GLRA2: variants seen among roughly 807,000 people sequenced by gnomAD.
GLRA2 encodes glycine receptor subunit alpha-2.
In GLRA2, 11 loss-of-function variants were observed where a neutral mutation model predicts 31.6. The observed-to-expected ratio is 0.35, with a 90% CI of 0.22 to 0.58. The LOEUF is 0.58. Ranked by LOEUF, GLRA2 falls within the 20% of genes least tolerant of loss-of-function variation. The probability of loss-of-function intolerance (pLI) is 0.84; values close to 1 mark genes in which losing one functional copy is unlikely to be tolerated. For synonymous variants in GLRA2, 132 were observed against 134.0 expected (o/e 0.99, Z 0.10); for missense variants, 212 against 351.8 (o/e 0.60, Z 3.18).
chrX:14,522,567 C>T, the GLRA2 span, among the ~76,000 whole-genome samples: 3 of 112,315 alleles, frequency 2.7e-5, no homozygotes, highest in Non-Finnish European at 5.6e-5. Context: ...AGAGGAATCA[C>T]TGTCTATGGC....
At chrX:14,689,691 C>A (rs893822726) in intron 7 of GLRA2, among the ~76,000 whole-genome samples, 9 of 112,106 alleles carry the variant, frequency 8.0e-5, no homozygotes, top group Non-Finnish European at 1.3e-4. Flanking sequence ...AAGCACTTGA[C>A]AGCTATCAAA....
chrX:14,689,477 T>C (rs907535649), intron 7 of GLRA2, among the ~76,000 whole-genome samples: 2 of 111,986 alleles, frequency 1.8e-5, no homozygotes, highest in African/African-American at 3.2e-5. Flanking sequence ...ATCCTAGCAA[T>C]GTGTTTGTGT....
chrX:14,556,842 G>C (rs1041557284), intron 2 of GLRA2, among the ~76,000 whole-genome samples: 52 of 111,317 alleles, frequency 4.7e-4, no homozygotes, highest in African/African-American at 1.6e-3. Flanking sequence ...TTTCTGACTT[G>C]TCCTTAATGC....
At chrX:14,571,480 G>C (rs1223223346) in intron 2 of GLRA2, among the ~76,000 whole-genome samples, 1 of 111,743 alleles carries the variant, frequency 8.9e-6, no homozygotes, top group Non-Finnish European at 1.9e-5. Flanking sequence ...TAATTGTATT[G>C]GCCTCAGGCA....
At chrX:14,696,284 G>A (rs1348623039) in intron 8 of GLRA2, among the ~76,000 whole-genome samples, 1 of 109,836 alleles carries the variant, frequency 9.1e-6, no homozygotes, top group Non-Finnish European at 1.9e-5. Flanking sequence ...TAGTTGCAGT[G>A]ATGAACCAGA....
At chrX:14,552,048 A>G (rs1311237495) in intron 2 of GLRA2, among the ~76,000 whole-genome samples, 1 of 112,433 alleles carries the variant, frequency 8.9e-6, no homozygotes, top group Non-Finnish European at 1.9e-5. Context: ...ATTACAAAGT[A>G]TTTATGAGGG....
At chrX:14,475,697 GACAC>G in the GLRA2 span, among the ~76,000 whole-genome samples, 8 of 109,227 alleles carry the variant, frequency 7.3e-5, no homozygotes, top group East Asian at 5.7e-4. Context: ...CACGCACACA[GACAC>G]ACACACACAC....
intron 4 of GLRA2, among the ~76,000 whole-genome samples, chrX:14,600,364 G>C (rs1030193861): frequency 3.6e-5 from 4 of 110,979 alleles, no homozygotes; most frequent in African/African-American, 1.3e-4. Context: ...ATTCTTAAAA[G>C]AACATGTTCT....
intron 3 of GLRA2, among the ~76,000 whole-genome samples, chrX:14,574,988 C>T (rs748340336): frequency 3.7e-5 from 4 of 109,378 alleles, no homozygotes; most frequent in Non-Finnish European, 7.6e-5. Flanking sequence ...AAGATATATT[C>T]CAAAGGGCTG....
intron 8 of GLRA2, among the ~76,000 whole-genome samples, chrX:14,708,958 G>C (rs991727089): frequency 1.9e-5 from 2 of 106,334 alleles, no homozygotes; most frequent in Admixed American, 1.9e-4. Flanking sequence ...AAAAAAAAAA[G>C]AGAGAGAGAC....
the GLRA2 span, among the ~76,000 whole-genome samples, chrX:14,510,247 G>A: frequency 5.4e-5 from 6 of 111,662 alleles, no homozygotes; most frequent in African/African-American, 1.3e-4. Context: ...GAGCTGTAGC[G>A]ATAGAAGAGA....
At chrX:14,541,558 C>T (rs1409561293) in intron 2 of GLRA2, among the ~76,000 whole-genome samples, 2 of 111,415 alleles carry the variant, frequency 1.8e-5, no homozygotes, top group Non-Finnish European at 3.8e-5. Context: ...TTCTAATAAC[C>T]ACTTCATGAC....
chrX:14,729,974 T>A (rs1023837280), intron 8 of GLRA2, among the ~76,000 whole-genome samples: 16 of 111,959 alleles, frequency 1.4e-4, no homozygotes, highest in Non-Finnish European at 2.8e-4. Context: ...GTTAATTAAT[T>A]AAAATGACCA....
the GLRA2 span, among the ~76,000 whole-genome samples, chrX:14,480,466 A>G: frequency 9.0e-6 from 1 of 111,565 alleles, no homozygotes; most frequent in Non-Finnish European, 1.9e-5. Flanking sequence ...GATGTTTCCT[A>G]TGTTTTCTTC....
intron 7 of GLRA2, among the ~76,000 whole-genome samples, chrX:14,619,449 A>G (rs2090491394): frequency 9.0e-6 from 1 of 110,636 alleles, no homozygotes; most frequent in Non-Finnish European, 1.9e-5. Flanking sequence ...CCCCTAGCTC[A>G]CTGCTTCAGG....
intron 4 of GLRA2, among the ~76,000 whole-genome samples, chrX:14,601,000 TG>T (rs1455409042): frequency 1.6e-5 from 1 of 60,706 alleles, no homozygotes; most frequent in South Asian, 6.6e-4. Flanking sequence ...GCTTTGTTGT[TG>T]TTTTTTTTTT....
chrX:14,586,214 T>C (rs1293961460), intron 4 of GLRA2, among the ~76,000 whole-genome samples: 3 of 111,956 alleles, frequency 2.7e-5, no homozygotes, highest in African/African-American at 9.7e-5. Context: ...GTCATCCTTA[T>C]GAACACTTGG....
At chrX:14,662,825 TTCAAA>T (rs1206344876) in intron 7 of GLRA2, among the ~76,000 whole-genome samples, 2 of 112,401 alleles carry the variant, frequency 1.8e-5, no homozygotes, top group East Asian at 5.6e-4. Context: ...TTTTCATTTG[TTCAAA>T]TCAACTTTTG....
the GLRA2 span, among the ~76,000 whole-genome samples, chrX:14,503,706 C>T: frequency 8.1e-5 from 9 of 111,085 alleles, no homozygotes; most frequent in African/African-American, 1.3e-4. Flanking sequence ...TGTTCTACTC[C>T]GCACTCTGCC....
Sources: allele counts gnomAD v4.1 joint callset (sites outside exome capture counted in the v4.1 genomes callset), GRCh38; gene constraint gnomAD v4.1.1; transcripts MANE v1.5; gene names NCBI Gene and HGNC (gene_info 2026-07-23, HGNC 2026-07-21).